Variants in SETD1B observed in about 807,000 individuals in gnomAD.
SETD1B encodes the protein SET domain containing 1B, histone lysine methyltransferase.
In SETD1B, 7 loss-of-function variants were observed where a neutral mutation model predicts 148.0. The observed-to-expected ratio is 0.05, with a 90% CI of 0.03 to 0.09. The LOEUF (loss-of-function observed/expected upper bound fraction) is 0.09. SETD1B is among the 10% of genes least tolerant of loss of function. The pLI, the probability that SETD1B is intolerant of heterozygous loss-of-function variation, is 1.00. For synonymous variants in SETD1B, 1,361 were observed against 1,186.5 expected (o/e 1.15, Z -3.02); for missense variants, 2,155 against 2,729.9 (o/e 0.79, Z 4.69).
At chr12:121,792,823 G>C in the SETD1B span, among the ~76,000 whole-genome samples, 12 of 152,250 alleles carry the variant, frequency 7.9e-5, no homozygotes, top group African/African-American at 2.9e-4. Context: ...GACCACAGCA[G>C]GTAGCGCAGC....
Position 121,823,243 on chromosome 12 carries a change from A to G in SETD1B, c.4664A>G (p.Gln1555Arg). The G allele has an allele frequency of 1.9e-6, 3 of 1,549,766 alleles. No individual in the cohort carries two copies. Among genetic ancestry groups the G allele is most frequent in the Non-Finnish European group, 1.7e-6 (2 of 1,146,848 alleles). ...AGGGAACTCCTGCTCCTGCCGGGCC[A>G]GCCACAGACCCCCGTCTTCCCCAGC... ...LGRELLLLPG[Q>R]PQTPVFPSTH... is the part of the protein sequence containing the mutation. Residue 1555 changes from glutamine to arginine, a missense_variant, in exon 12 of 17, where the codon CAG (glutamine) becomes CGG (arginine). Gln to Arg is a conservative substitution (Grantham distance 43). Coordinates refer to ENST00000604567, the MANE Select transcript of SETD1B (RefSeq NM_001353345.2).
intron 10 of SETD1B, among the ~76,000 whole-genome samples, chr12:121,818,746 C>A (rs12424390): frequency 1.3e-5 from 2 of 151,590 alleles, no homozygotes; most frequent in African/African-American, 4.8e-5. Flanking sequence ...AAAAATTAGC[C>A]GGGCATGGTG....
Position 121,806,862 on chromosome 12 carries a change from C to T in SETD1B, c.544+757C>T, listed in dbSNP as rs115334969. On this transcript the variant is annotated intron_variant, in intron 4 of 16. Transcript: ENST00000604567. ...CGGAGGCCCCTGCAGGACCAAGGGG[C>T]TTGGAGGACTCGAGGGCATTCCCCA... 4.6e-3 allele frequency among the ~76,000 whole-genome samples: 705 copies of T among 152,310 alleles called. 4 individuals carry two copies. Among genetic ancestry groups the T allele is most frequent in the African/African-American group, 0.015 (643 of 41,570 alleles).
At position 121,804,910 on chromosome 12, in the gene SETD1B, C is replaced by T. The variant is rs973837174; in HGVS notation, c.173C>T (p.Ala58Val). 4 of 1,499,058 alleles carry T rather than the reference C, an allele frequency of 2.7e-6. No homozygotes were observed. The highest frequency in any genetic ancestry group is 3.6e-6 in the Non-Finnish European group (4 of 1,121,732). The allele number at this position is 1,499,058 out of a possible 1,614,324, so 92.9% of individuals were successfully genotyped here. ...TACGATGGGCAGCATTTCAGCCTGG[C>T]GGTGAGTAGCCGGCGCGCCCCCCCA... ...YRYDGQHFSL[A>V]MSSNRPVEIV... Residue 58 changes from alanine to valine, a missense_variant and splice_region_variant, in exon 2 of 17, where the codon GCG (alanine) becomes GTG (valine). Ala to Val is a moderately conservative substitution (Grantham distance 64). This residue lies in a region of SETD1B where 124 missense variants were observed against 282.9 expected (regional missense o/e 0.44). Coordinates refer to ENST00000604567, the MANE Select transcript of SETD1B (RefSeq NM_001353345.2). This position sits in a 1 kb window ranked among gnomAD's most constrained non-coding sequence, Gnocchi z 4.6.
Position 121,832,218 on chromosome 12 carries a change from T to TC in SETD1B, c.*1984dup, listed in dbSNP as rs1431711739. On this transcript the variant is annotated 3_prime_UTR_variant, in exon 17 of 17. Transcript: ENST00000604567. ...AGGGAAGGGACCCTTGCCTCACCCC[T>TC]CCCCCTGGCCTCACCTTGCTCCCAG... 1 of 152,296 alleles carries TC rather than the reference T, an allele frequency of 6.6e-6. No homozygotes were observed. The highest frequency in any genetic ancestry group is 2.4e-5 in the African/African-American group (1 of 41,390). The allele number at this position is 152,296 out of a possible 1,614,324, so 9.4% of individuals were successfully genotyped here.
rs1261563518 is a variant in SETD1B, at chr12:121,822,799, C to T, written c.4220C>T (p.Pro1407Leu). The T allele has an allele frequency of 1.3e-6, 2 of 1,510,820 alleles. No individual in the cohort carries two copies. Among genetic ancestry groups the T allele is most frequent in the African/African-American group, 1.4e-5 (1 of 72,064 alleles). 93.6% of individuals were successfully genotyped at this position (1,510,820 alleles called of 1,614,324 possible). ...SLSSPQVPGSPFSYPAPSPSL... is the reference protein window; with the variant it reads ...SLSSPQVPGSLFSYPAPSPSL... ...AGCTCTCCGCAAGTGCCCGGCAGCCCCTTCTCCTACCCAGCCCCGTCCCCT... is the reference window on the plus strand; with the variant it reads ...AGCTCTCCGCAAGTGCCCGGCAGCCTCTTCTCCTACCCAGCCCCGTCCCCT... Residue 1407 changes from proline (P) to leucine (L), a missense_variant, in exon 12 of 17, where the codon CCC (proline) becomes CTC (leucine). Physicochemically the swap from Pro to Leu is moderately conservative, Grantham distance 98. This residue lies in a region of SETD1B where 862 missense variants were observed against 873.8 expected (regional missense o/e 0.99). Transcript: ENST00000604567.
At chr12:121,797,751 G>A in the SETD1B span, 8 of 369,894 alleles carry the variant, frequency 2.2e-5, no homozygotes, top group East Asian at 1.5e-4. Flanking sequence ...ACCCTCGGGC[G>A]GCAGAGGGTA....
Position 121,817,824 on chromosome 12 carries a change from A to G in SETD1B, c.3338A>G (p.Asp1113Gly), listed in dbSNP as rs1229651493. Residue 1113 changes from aspartate to glycine, a missense_variant, in exon 10 of 17, where the codon GAC (aspartate) becomes GGC (glycine). By Grantham distance (94) the Asp-to-Gly change is moderately conservative. Around this residue, in one of 11 missense-constraint regions of SETD1B, gnomAD observed 862 missense variants for 873.8 expected, o/e 0.99. Coordinates refer to ENST00000604567, the MANE Select transcript of SETD1B (RefSeq NM_001353345.2). The surrounding 1 kb of genome is among the most constrained non-coding windows in gnomAD (Gnocchi z 8.1). ...GATGACGACGATGACGACAGTGATG[A>G]CCGGGACGAGTCTGAGAACGATGAC... Reference protein sequence around the residue: ...DKDDDDDDSDDRDESENDDED... With the variant: ...DKDDDDDDSDGRDESENDDED... 6.4e-7 allele frequency: 1 copy of G among 1,551,032 alleles called. No individual in the cohort carries two copies. Among genetic ancestry groups the G allele is most frequent in the Non-Finnish European group, 8.7e-7 (1 of 1,146,690 alleles).
chr12:121,799,717 T>TGGGGGGGGTGGGGG (rs1875206081), upstream of SETD1B: 1 of 19,136 alleles, frequency 5.2e-5, no homozygotes, highest in Admixed American at 5.9e-4. Context: ...CGCTCGCAGC[T>TGGGGGGGGTGGGGG]GGGGGGGGGG....
At position 121,810,418 on chromosome 12, in the gene SETD1B, G is replaced by A. The variant is rs1398303496; in HGVS notation, c.1473G>A (p.Gly491=). Residue 491 remains glycine, a synonymous_variant, in exon 6 of 17, where the codon GGG becomes GGA. Transcript: ENST00000604567. The surrounding 1 kb of genome is among the most constrained non-coding windows in gnomAD (Gnocchi z 7.6). The part of the protein sequence containing the change: ...GTPTLESSPA[G]PEKPHDSLDS... Reference sequence around the variant, plus strand: ...CCACGCTGGAGTCGTCCCCTGCAGGGCCAGAGAAACCCCACGACAGCCTGG... The same window carrying A: ...CCACGCTGGAGTCGTCCCCTGCAGGACCAGAGAAACCCCACGACAGCCTGG... 6.5e-7 allele frequency: 1 copy of A among 1,549,066 alleles called. No homozygotes were observed. The highest frequency in any genetic ancestry group is 8.7e-7 in the Non-Finnish European group (1 of 1,146,956).
the SETD1B span, among the ~76,000 whole-genome samples, chr12:121,790,967 G>A: frequency 1.3e-5 from 2 of 152,100 alleles, no homozygotes; most frequent in Non-Finnish European, 2.9e-5. Flanking sequence ...TCCGCCTCCT[G>A]GGTTCAAGCA....
chr12:121,792,235 G>A, the SETD1B span, among the ~76,000 whole-genome samples: 386 of 152,344 alleles, frequency 2.5e-3, 1 homozygote, highest in African/African-American at 8.6e-3. Flanking sequence ...TTGGCTGGCC[G>A]GAGAGGGCCA....
rs867215823 is a variant in SETD1B at position 121,830,698 on chromosome 12, C to T, written c.*459C>T. The T allele has an allele frequency of 1.3e-4, 20 of 156,484 alleles. 1 individual carries two copies. The Middle Eastern group carries it at 0.017, about 130-fold the overall frequency. 9.7% of individuals were successfully genotyped at this position (156,484 alleles called of 1,614,324 possible). On this transcript the variant is annotated 3_prime_UTR_variant, in exon 17 of 17. Coordinates refer to ENST00000604567, the MANE Select transcript of SETD1B (RefSeq NM_001353345.2). This position sits in a 1 kb window ranked among gnomAD's most constrained non-coding sequence, Gnocchi z 5.7. ...AATCAGAGAGGGGCCCCGCGGGGGT[C>T]TGCAGAGGCCTCAGTGTGGCTGTGC...
the SETD1B span, among the ~76,000 whole-genome samples, chr12:121,790,728 G>A: frequency 6.6e-6 from 1 of 152,210 alleles, no homozygotes; most frequent in African/African-American, 2.4e-5. Flanking sequence ...CTGCTTCTCT[G>A]CTGCTTGGAA....
the SETD1B span, chr12:121,797,778 G>C: frequency 2.8e-6 from 1 of 353,614 alleles, no homozygotes; most frequent in Non-Finnish European, 5.6e-6. Flanking sequence ...GAGCAACGGG[G>C]TTCAATGGCA....
intron 4 of SETD1B, 58 bp downstream of exon 4, chr12:121,806,163 C>G (rs1875728341): frequency 1.3e-6 from 2 of 1,520,938 alleles, no homozygotes; most frequent in Non-Finnish European, 1.8e-6. Flanking sequence ...TTTCCCTCCC[C>G]ACCCTTCCTG....
the SETD1B span, among the ~76,000 whole-genome samples, chr12:121,796,599 G>C: frequency 4.6e-5 from 7 of 152,208 alleles, no homozygotes; most frequent in African/African-American, 1.4e-4. Flanking sequence ...TCCCAGGGAC[G>C]GGAGCTGGCC....
chr12:121,794,073 C>T, the SETD1B span: 2 of 161,752 alleles, frequency 1.2e-5, no homozygotes, highest in African/African-American at 4.8e-5. Context: ...GCACCGGGTT[C>T]GAGAAGCCCC....
chr12:121,829,302 G>A (rs1186464806), intron 16 of SETD1B, among the ~76,000 whole-genome samples: 3 of 152,172 alleles, frequency 2.0e-5, no homozygotes, highest in Non-Finnish European at 4.4e-5. Flanking sequence ...CAGTGATGGG[G>A]GCCTGAGCGT....
Sources: gnomAD v4.1 joint callset for allele counts (sites outside exome capture counted in the v4.1 genomes callset) on GRCh38, gnomAD v4.1.1 for gene constraint, gnomAD v4.1.1 regional missense constraint, Gnocchi (gnomAD v3.1) non-coding constraint, MANE v1.5 for transcripts, NCBI Gene and HGNC (gene_info 2026-07-23, HGNC 2026-07-21) for gene names.